The following ZNF706 variants were observed in gnomAD, a reference collection of about 807,000 sequenced individuals.
The protein encoded by ZNF706 is transcriptional regulator ZNF706.
In ZNF706, 4 loss-of-function variants were observed where a neutral mutation model predicts 9.2. The ratio of observed to expected loss-of-function variants is 0.43; its 90% CI spans 0.21 to 0.99. The LOEUF is 0.99. ZNF706 is among the 50% of genes least tolerant of loss of function. The pLI, the probability that ZNF706 is intolerant of heterozygous loss-of-function variation, is 0.26. For missense variants in ZNF706, 27 were observed against 87.8 expected (o/e 0.31, Z 2.77); for synonymous variants, 28 against 27.3 (o/e 1.03, Z -0.08).
rs1586262744 is a variant in ZNF706, at chr8:101,197,358, T to C, written c.*1894A>G. On this transcript the variant is annotated 3_prime_UTR_variant, in exon 4 of 4. Coordinates refer to ENST00000311212, the MANE Select transcript of ZNF706 (RefSeq NM_016096.5). ...TAACTCAAACACAGTAAAATGGGGA[T>C]TGTACTAATAATCCCCTCATGAAGT... 6.6e-6 allele frequency: 1 copy of C among 152,326 alleles called. No homozygotes were observed. The highest frequency in any genetic ancestry group is 1.5e-5 in the Non-Finnish European group (1 of 68,016). The allele number at this position is 152,326 out of a possible 1,614,324, so 9.4% of individuals were successfully genotyped here.
intron 1 of ZNF706, chr8:101,204,881 G>A: frequency 4.1e-6 from 4 of 985,804 alleles, no homozygotes; most frequent in Non-Finnish European, 4.8e-6. Context: ...CCCAGGCAGC[G>A]CTCCACATCC....
upstream of ZNF706, chr8:101,206,082 G>T (rs1810763653): frequency 6.6e-6 from 1 of 152,220 alleles, no homozygotes; most frequent in Non-Finnish European, 1.5e-5. Flanking sequence ...CCGTCTCGGC[G>T]CCGCCCTCCT....
Position 101,199,161 on chromosome 8 carries a change from C to T in ZNF706, c.*91G>A. 1 of 687,930 alleles carries T rather than the reference C, an allele frequency of 1.5e-6. No individual in the cohort carries two copies. Among genetic ancestry groups the T allele is most frequent in the Non-Finnish European group, 2.6e-6 (1 of 378,758 alleles). The allele number at this position is 687,930 out of a possible 1,614,324, so 42.6% of individuals were successfully genotyped here. Reference sequence around the variant, plus strand: ...TAGCCCCTTTATTTTTGCTGATCAACAGTTTGTTAGAAAAGCAGCTGCAGG... The same window carrying T: ...TAGCCCCTTTATTTTTGCTGATCAATAGTTTGTTAGAAAAGCAGCTGCAGG... On this transcript the variant is annotated 3_prime_UTR_variant, in exon 4 of 4. Transcript: ENST00000311212.
In ZNF706 at chr8:101,201,884, C is replaced by G; in HGVS notation, c.-2-141G>C. The G allele has an allele frequency of 2.2e-6, 2 of 890,358 alleles. No individual in the cohort carries two copies. Among genetic ancestry groups the G allele is most frequent in the South Asian group, 3.7e-5 (2 of 54,246 alleles). 55.2% of individuals were successfully genotyped at this position (890,358 alleles called of 1,614,324 possible). Reference sequence around the variant, plus strand: ...AAAAATTTATAGGTATTAAAATTCCCACATATAAATGCTACAAAAGTATCA... The same window carrying G: ...AAAAATTTATAGGTATTAAAATTCCGACATATAAATGCTACAAAAGTATCA... On this transcript the variant is annotated intron_variant, in intron 1 of 3. Coordinates refer to ENST00000311212, the MANE Select transcript of ZNF706 (RefSeq NM_016096.5). The surrounding 1 kb of genome is among the most constrained non-coding windows in gnomAD (Gnocchi z 4.5).
rs1279997579 is a variant in ZNF706 at position 101,205,049 on chromosome 8, T to C, written c.-3+386A>G. The C allele has an allele frequency of 4.7e-6, 3 of 644,694 alleles. No individual in the cohort carries two copies. Among genetic ancestry groups the C allele is most frequent in the Non-Finnish European group, 5.8e-6 (3 of 518,984 alleles). The allele number at this position is 644,694 out of a possible 1,614,324, so 39.9% of individuals were successfully genotyped here. On this transcript the variant is annotated intron_variant, in intron 1 of 3. Coordinates refer to ENST00000311212, the MANE Select transcript of ZNF706 (RefSeq NM_016096.5). The surrounding 1 kb of genome is among the most constrained non-coding windows in gnomAD (Gnocchi z 6.6). Reference sequence around the variant, plus strand: ...GCCTCGGAGACCCCCTCCTCCTCCCTGCCACCAAAGGCCACGCAGCCCCCA... The same window carrying C: ...GCCTCGGAGACCCCCTCCTCCTCCCCGCCACCAAAGGCCACGCAGCCCCCA...
At chr8:101,199,952 C>A in intron 3 of ZNF706, 38 bp downstream of exon 3, 1 of 1,439,546 alleles carries the variant, frequency 6.9e-7, no homozygotes, top group South Asian at 1.2e-5. Context: ...GTATACAACC[C>A]TGTTATTAAC....
chr8:101,204,646 C>G, intron 1 of ZNF706: 1 of 985,396 alleles, frequency 1.0e-6, no homozygotes, highest in Non-Finnish European at 1.2e-6. Flanking sequence ...TTACAAATAC[C>G]TACATGCTGG....
In ZNF706 at chr8:101,205,544, C is replaced by G. The variant is rs1029804211; in HGVS notation, c.-112G>C. 3 of 160,654 alleles carry G rather than the reference C, an allele frequency of 1.9e-5. No individual in the cohort carries two copies. The highest frequency in any genetic ancestry group is 4.0e-5 in the Non-Finnish European group (3 of 74,210). 10.0% of individuals were successfully genotyped at this position (160,654 alleles called of 1,614,324 possible). On this transcript the variant is annotated 5_prime_UTR_variant, in exon 1 of 4. Transcript: ENST00000311212. The surrounding 1 kb of genome is among the most constrained non-coding windows in gnomAD (Gnocchi z 6.6). Reference sequence around the variant, plus strand: ...GCGCCCAGCACCGCTTGGGCCTCCTCCACCCGCTCAGGAGGGGAAACACGA... The same window carrying G: ...GCGCCCAGCACCGCTTGGGCCTCCTGCACCCGCTCAGGAGGGGAAACACGA...
chr8:101,201,398 C>T lies in ZNF706; in HGVS notation c.135+209G>A, dbSNP rs1810550152. Reference sequence around the variant, plus strand: ...AATTTTGTTTTGTTCACTCTGTTTTCCCAGCACCTAGAGATTTTTGCCTGG... The same window carrying T: ...AATTTTGTTTTGTTCACTCTGTTTTTCCAGCACCTAGAGATTTTTGCCTGG... On this transcript the variant is annotated intron_variant, in intron 2 of 3. Coordinates refer to ENST00000311212, the MANE Select transcript of ZNF706 (RefSeq NM_016096.5). The surrounding 1 kb of genome is among the most constrained non-coding windows in gnomAD (Gnocchi z 4.5). 2 of 535,814 alleles carry T rather than the reference C, an allele frequency of 3.7e-6. No homozygotes were observed. The highest frequency in any genetic ancestry group is 6.5e-6 in the Non-Finnish European group (2 of 307,576). 33.2% of individuals were successfully genotyped at this position (535,814 alleles called of 1,614,324 possible). A position where few individuals can be genotyped will look rare whatever the true frequency, so the allele number is the denominator to read the frequency against.
chr8:101,200,730 C>T (rs1810527023), intron 2 of ZNF706: 1 of 152,878 alleles, frequency 6.5e-6, no homozygotes, highest in East Asian at 1.9e-4. Flanking sequence ...ACAAGCTGCT[C>T]AATTTCATTA....
rs115763339 is a variant in ZNF706, at chr8:101,201,273, T to C, written c.135+334A>G. 107 of 213,578 alleles carry C rather than the reference T, an allele frequency of 5.0e-4. 1 individual carries two copies. The highest frequency in any genetic ancestry group is 2.1e-3 in the African/African-American group (92 of 43,518). The allele number at this position is 213,578 out of a possible 1,614,324, so 13.2% of individuals were successfully genotyped here. A position where few individuals can be genotyped will look rare whatever the true frequency, so the allele number is the denominator to read the frequency against. Reference sequence around the variant, plus strand: ...ATTATATAACTAGAGGTATACTTACTAGCATATTATATAGCTCTAAGAGTG... The same window carrying C: ...ATTATATAACTAGAGGTATACTTACCAGCATATTATATAGCTCTAAGAGTG... On this transcript the variant is annotated intron_variant, in intron 2 of 3. Coordinates refer to ENST00000311212, the MANE Select transcript of ZNF706 (RefSeq NM_016096.5). The surrounding 1 kb of genome is among the most constrained non-coding windows in gnomAD (Gnocchi z 4.5).
At chr8:101,199,924 G>T (rs1810498764) in intron 3 of ZNF706, 66 bp downstream of exon 3, 1 of 1,041,794 alleles carries the variant, frequency 9.6e-7, no homozygotes, top group South Asian at 1.5e-5. Context: ...CACAATAAGT[G>T]AAGACAGTTT....
At chr8:101,204,890 C>A (rs1662723034) in intron 1 of ZNF706, 2 of 985,680 alleles carry the variant, frequency 2.0e-6, no homozygotes, top group Admixed American at 1.2e-4. Flanking sequence ...CGCTCCACAT[C>A]CTGACCCTAG....
At chr8:101,205,833 C>G (rs1412419498), upstream of ZNF706, 1 of 152,264 alleles carries the variant, frequency 6.6e-6, no homozygotes, top group Non-Finnish European at 1.5e-5. This position sits in a 1 kb window ranked among gnomAD's most constrained non-coding sequence, Gnocchi z 6.6. Context: ...CGCGAGGGGG[C>G]GGGCCCTGGC....
intron 1 of ZNF706, chr8:101,202,683 A>G (rs1292289933): frequency 6.6e-6 from 1 of 152,194 alleles, no homozygotes; most frequent in Non-Finnish European, 1.5e-5. Context: ...TCTTGAATCA[A>G]GTGTGTTTAC....
intron 3 of ZNF706, among the ~76,000 whole-genome samples, chr8:101,199,758 T>TAG (rs1177290489): frequency 6.6e-6 from 1 of 152,224 alleles, no homozygotes; most frequent in Non-Finnish European, 1.5e-5. Context: ...CAGAGATGGC[T>TAG]AGCATGTACT....
rs757128162 is a variant in ZNF706 at position 101,198,889 on chromosome 8, T to C, written c.*363A>G. 2 of 216,632 alleles carry C rather than the reference T, an allele frequency of 9.2e-6. No homozygotes were observed. Among genetic ancestry groups the C allele is most frequent in the Non-Finnish European group, 1.8e-5 (2 of 110,480 alleles). The allele number at this position is 216,632 out of a possible 1,614,324, so 13.4% of individuals were successfully genotyped here. ...ATTCATTAGATTTTTATAAGGCAAA[T>C]AATGTGGAAAGTTAGAACAGAATTT... is the stretch of plus-strand genomic sequence containing the variant. On this transcript the variant is annotated 3_prime_UTR_variant, in exon 4 of 4. Coordinates refer to ENST00000311212, the MANE Select transcript of ZNF706 (RefSeq NM_016096.5).
In ZNF706 at chr8:101,201,561, A is replaced by T. The variant is rs754027377; in HGVS notation, c.135+46T>A. On this transcript the variant is annotated intron_variant, in intron 2 of 3. Transcript: ENST00000311212. This position sits in a 1 kb window ranked among gnomAD's most constrained non-coding sequence, Gnocchi z 4.5. ...TCAAAATTTTAATCTATTCAAGCCAAAACTGCCCACGGGAGAGCTGTATCT... is the reference window on the plus strand; with the variant it reads ...TCAAAATTTTAATCTATTCAAGCCATAACTGCCCACGGGAGAGCTGTATCT... The T allele has an allele frequency of 3.8e-6, 6 of 1,581,962 alleles. No homozygotes were observed. Among genetic ancestry groups the T allele is most frequent in the Non-Finnish European group, 5.1e-6 (6 of 1,165,488 alleles).
intron 3 of ZNF706, 37 bp downstream of exon 3, chr8:101,199,951 CCT>C (rs1378072157): frequency 2.8e-5 from 40 of 1,426,740 alleles, no homozygotes; most frequent in Non-Finnish European, 3.9e-5. Flanking sequence ...TGTATACAAC[CCT>C]GTTATTAACA....
Sources: allele counts gnomAD v4.1 joint callset (sites outside exome capture counted in the v4.1 genomes callset), GRCh38; gene constraint gnomAD v4.1.1; non-coding constraint Gnocchi (gnomAD v3.1); transcripts MANE v1.5; gene names NCBI Gene and HGNC (gene_info 2026-07-23, HGNC 2026-07-21).